NKAIN3: variants seen among roughly 807,000 people sequenced by gnomAD.
The protein encoded by NKAIN3 is sodium/potassium transporting ATPase interacting 3.
NKAIN3 carries 25 observed loss-of-function variants against 30.2 expected under a neutral mutation model. The observed-to-expected ratio is 0.83, with a 90% confidence interval of 0.60 to 1.16. The LOEUF is 1.16. Among genes scored for constraint, NKAIN3 ranks in the 50% most tolerant of loss-of-function variants. The pLI is 0.00. For synonymous variants in NKAIN3, 91 were observed against 89.6 expected, an observed-to-expected ratio of 1.02 and a Z score of -0.09; for missense variants, 225 against 254.1, an observed-to-expected ratio of 0.89 and a Z score of 0.78.
intron 3 of NKAIN3, among the ~76,000 whole-genome samples, chr8:62,645,737 A>C (rs910600104): frequency 3.9e-5 from 6 of 152,126 alleles, no homozygotes; most frequent in African/African-American, 1.2e-4. Flanking sequence ...TTGGGCATTT[A>C]AACATCTATT....
chr8:62,437,403 A>G (rs1183055365), intron 1 of NKAIN3, among the ~76,000 whole-genome samples: 3 of 152,224 alleles, frequency 2.0e-5, no homozygotes, highest in Non-Finnish European at 4.4e-5. Context: ...TAAATTTCTC[A>G]GGTTTACAGA....
At chr8:62,636,024 C>G (rs773715028) in intron 3 of NKAIN3, among the ~76,000 whole-genome samples, 6 of 152,066 alleles carry the variant, frequency 3.9e-5, no homozygotes, top group Non-Finnish European at 7.4e-5. Context: ...CAGTCTGCAC[C>G]AAGTTCAGAA....
intron 1 of NKAIN3, among the ~76,000 whole-genome samples, chr8:62,452,013 A>T (rs1479693504): frequency 6.6e-6 from 1 of 152,210 alleles, no homozygotes; most frequent in Non-Finnish European, 1.5e-5. Context: ...TTACAATGTC[A>T]TGAACCCAGT....
chr8:62,415,495 AAAT>A (rs1189007602), intron 1 of NKAIN3, among the ~76,000 whole-genome samples: 1 of 149,852 alleles, frequency 6.7e-6, no homozygotes, highest in Non-Finnish European at 1.5e-5. Flanking sequence ...TTATTTTCTA[AAAT>A]AATAAAGTGA....
At chr8:62,290,022 C>G (rs566638694) in intron 1 of NKAIN3, among the ~76,000 whole-genome samples, 8 of 152,238 alleles carry the variant, frequency 5.3e-5, no homozygotes, top group Middle Eastern at 3.4e-3. Flanking sequence ...TGGGAGTTCA[C>G]TCATGATTTG....
chr8:62,869,740 T>C (rs981207842), intron 4 of NKAIN3, among the ~76,000 whole-genome samples: 1 of 151,698 alleles, frequency 6.6e-6, no homozygotes, highest in African/African-American at 2.4e-5. Flanking sequence ...GTCAGCCCCG[T>C]TTTTTTTCCT....
chr8:62,811,632 G>A lies in NKAIN3; in HGVS notation c.471+64503G>A, dbSNP rs956259612. ...GCATTTTCTGATGGCTAACAATGGA[G>A]AATATGTTTTTTGTGCTTATCTGCC... On this transcript the variant is annotated intron_variant, in intron 4 of 6. Coordinates refer to ENST00000623646, the MANE Select transcript of NKAIN3 (RefSeq NM_001304533.3). 9.8e-5 allele frequency among the ~76,000 whole-genome samples: 6 copies of A among 61,032 alleles called. No homozygotes were observed. The East Asian group carries it at 1.6e-3, about 17-fold the overall frequency. 40.0% of individuals were successfully genotyped at this position (61,032 alleles called of 152,430 possible).
At chr8:62,777,379 CT>C (rs1817224533) in intron 4 of NKAIN3, among the ~76,000 whole-genome samples, 1 of 151,882 alleles carries the variant, frequency 6.6e-6, no homozygotes, top group African/African-American at 2.4e-5. Flanking sequence ...GTGCTTCATT[CT>C]TTTTTATTTT....
intron 1 of NKAIN3, among the ~76,000 whole-genome samples, chr8:62,539,172 T>C (rs1315068006): frequency 1.3e-5 from 2 of 152,214 alleles, no homozygotes; most frequent in Non-Finnish European, 2.9e-5. Context: ...CTATCTGAAA[T>C]GATATCCATT....
At chr8:62,666,220 A>ATAAT (rs1214137281) in intron 3 of NKAIN3, among the ~76,000 whole-genome samples, 1 of 152,158 alleles carries the variant, frequency 6.6e-6, no homozygotes, top group Non-Finnish European at 1.5e-5. Flanking sequence ...CTGTCTCAAA[A>ATAAT]TAATTAATTA....
At chr8:62,810,645 T>TTG (rs1554580466) in intron 4 of NKAIN3, among the ~76,000 whole-genome samples, 4 of 151,422 alleles carry the variant, frequency 2.6e-5, no homozygotes, top group Admixed American at 6.6e-5. Flanking sequence ...AAAGTTTTTT[T>TTG]TTTTTTTTTT....
intron 3 of NKAIN3, among the ~76,000 whole-genome samples, chr8:62,654,653 C>T (rs967441338): frequency 7.9e-5 from 12 of 152,072 alleles, no homozygotes; most frequent in Admixed American, 2.0e-4. Flanking sequence ...AAATATTATT[C>T]GTTTAAAATA....
chr8:62,596,571 T>C (rs1810843235), intron 3 of NKAIN3, among the ~76,000 whole-genome samples: 1 of 151,436 alleles, frequency 6.6e-6, no homozygotes, highest in Non-Finnish European at 1.5e-5. Flanking sequence ...AGTCTGTATA[T>C]ATATTTACCC....
intron 1 of NKAIN3, among the ~76,000 whole-genome samples, chr8:62,505,317 A>G (rs188382287): frequency 6.6e-6 from 1 of 152,242 alleles, no homozygotes; most frequent in African/African-American, 2.4e-5. Flanking sequence ...TCTGGCTCCT[A>G]CTCAGAAAAA....
At chr8:62,449,812 G>T (rs1000820305) in intron 1 of NKAIN3, among the ~76,000 whole-genome samples, 7 of 152,060 alleles carry the variant, frequency 4.6e-5, no homozygotes, top group African/African-American at 1.7e-4. Context: ...TTACACTTCG[G>T]TGTGGGCCGG....
chr8:62,334,248 A>C (rs942353155), intron 1 of NKAIN3, among the ~76,000 whole-genome samples: 2 of 149,728 alleles, frequency 1.3e-5, no homozygotes, highest in Non-Finnish European at 3.0e-5. Flanking sequence ...ATTCACTTAC[A>C]GTTCTTGGAG....
intron 4 of NKAIN3, among the ~76,000 whole-genome samples, chr8:62,779,455 T>C (rs1448499807): frequency 2.0e-5 from 3 of 151,978 alleles, no homozygotes; most frequent in Non-Finnish European, 4.4e-5. Context: ...TCAGCTGAGT[T>C]TTTTCCAGTG....
intron 1 of NKAIN3, among the ~76,000 whole-genome samples, chr8:62,539,971 G>T (rs1220181584): frequency 6.6e-6 from 1 of 152,134 alleles, no homozygotes; most frequent in South Asian, 2.1e-4. Flanking sequence ...TTCACCTTGT[G>T]TTAATAAATA....
chr8:62,297,645 A>G (rs1019149344), intron 1 of NKAIN3, among the ~76,000 whole-genome samples: 11 of 152,040 alleles, frequency 7.2e-5, no homozygotes, highest in South Asian at 4.2e-4. Context: ...ACCAGTTAGA[A>G]TGGCAATCAT....
Sources: gnomAD v4.1 joint callset for allele counts (sites outside exome capture counted in the v4.1 genomes callset) on GRCh38, gnomAD v4.1.1 for gene constraint, MANE v1.5 for transcripts, NCBI Gene and HGNC (gene_info 2026-07-23, HGNC 2026-07-21) for gene names.